The following LRRC39 variants were observed in gnomAD, a reference collection of about 807,000 sequenced individuals.
LRRC39 encodes leucine rich repeat containing 39, also known as leucine-rich repeat-containing protein 39.
In LRRC39, 35 loss-of-function variants were observed where a neutral mutation model predicts 39.7. The ratio of observed to expected loss-of-function variants is 0.88; its 90% CI spans 0.67 to 1.17. The LOEUF is 1.17. Ranked by LOEUF, LRRC39 falls within the 50% of genes most tolerant of loss-of-function variation. The probability of loss-of-function intolerance (pLI) is 0.00; values close to 1 mark genes in which losing one functional copy is unlikely to be tolerated. For synonymous variants in LRRC39, 113 were observed against 134.1 expected (o/e 0.84, Z 1.09); for missense variants, 357 against 385.8 (o/e 0.93, Z 0.62).
chr1:100,163,508 C>T (rs1659027713), intron 3 of LRRC39, among the ~76,000 whole-genome samples: 1 of 151,854 alleles, frequency 6.6e-6, no homozygotes, highest in Non-Finnish European at 1.5e-5. Context: ...CATCTGTGGG[C>T]CTTACCTATA....
chr1:100,174,248 G>A (rs1659819936), intron 1 of LRRC39, among the ~76,000 whole-genome samples: 1 of 151,900 alleles, frequency 6.6e-6, no homozygotes, highest in Non-Finnish European at 1.5e-5. Context: ...ACCTGAATAA[G>A]GAACCCCAGA....
chr1:100,150,549 T>C (rs1164581383), intron 9 of LRRC39: 1 of 152,232 alleles, frequency 6.6e-6, no homozygotes, highest in Non-Finnish European at 1.5e-5. Flanking sequence ...AGAATTATCA[T>C]ACAGAAACAG....
At chr1:100,163,810 C>T (rs1339960909) in intron 3 of LRRC39, among the ~76,000 whole-genome samples, 1 of 152,074 alleles carries the variant, frequency 6.6e-6, no homozygotes, top group Non-Finnish European at 1.5e-5. Context: ...TGGTGGCTCA[C>T]GCTTGTAATC....
chr1:100,158,504 C>A lies in LRRC39; in HGVS notation c.377-137G>T, dbSNP rs536808388. The A allele has an allele frequency of 4.7e-6, 3 of 633,142 alleles. No individual in the cohort carries two copies. In the African/African-American group the frequency reaches 5.7e-5, roughly 12 times the overall value. 39.2% of individuals were successfully genotyped at this position (633,142 alleles called of 1,614,324 possible). On this transcript the variant is annotated intron_variant, in intron 5 of 9. Coordinates refer to ENST00000370137, the MANE Select transcript of LRRC39 (RefSeq NM_144620.4). ...CCAGGCTGGAGTGCAGTGGCGCTAT[C>A]TCGGCTCACTGCAAGCTCCGCCTCC...
chr1:100,157,309 G>C (rs1658532033), intron 6 of LRRC39, among the ~76,000 whole-genome samples: 1 of 152,054 alleles, frequency 6.6e-6, no homozygotes, highest in Non-Finnish European at 1.5e-5. Context: ...AGATCTGATG[G>C]TTTTATAAGG....
intron 1 of LRRC39, among the ~76,000 whole-genome samples, chr1:100,176,954 G>A (rs916597840): frequency 7.2e-5 from 11 of 152,154 alleles, no homozygotes; most frequent in African/African-American, 1.2e-4. Flanking sequence ...TAAGAACACC[G>A]ATATCCACAT....
In LRRC39 at chr1:100,149,082, C is replaced by T. The variant is rs1353685085; in HGVS notation, c.968G>A (p.Gly323Asp). Reference protein sequence around the residue: ...SRRRADHQVNGSTTLPISINT... With the variant: ...SRRRADHQVNDSTTLPISINT... ...TATGGAGATTGGTAAAGTAGTTGAA[C>T]CGTTGACTTGGTGATCTGAAACATA... The change falls in exon 10 of 10, where the codon GGT becomes GAT. Residue 323 changes from glycine to aspartate, a missense_variant. Physicochemically the swap from Gly to Asp is moderately conservative, Grantham distance 94. Coordinates refer to ENST00000370137, the MANE Select transcript of LRRC39 (RefSeq NM_144620.4). 3.1e-6 allele frequency: 5 copies of T among 1,602,000 alleles called. No homozygotes were observed. In the African/African-American group the frequency reaches 5.4e-5, roughly 17 times the overall value.
At chr1:100,154,560 T>G (rs977606018) in intron 8 of LRRC39, among the ~76,000 whole-genome samples, 6 of 152,066 alleles carry the variant, frequency 3.9e-5, no homozygotes, top group Admixed American at 1.3e-4. Context: ...TACATAATAC[T>G]GTGAGAAAAA....
intron 9 of LRRC39, 147 bp downstream of exon 9, chr1:100,152,238 C>T: frequency 1.2e-6 from 1 of 815,424 alleles, no homozygotes; most frequent in Non-Finnish European, 1.8e-6. Context: ...TTTCTTCCCA[C>T]AATATTGACT....
intron 1 of LRRC39, among the ~76,000 whole-genome samples, chr1:100,176,525 G>C (rs1023022631): frequency 5.9e-5 from 9 of 152,164 alleles, no homozygotes; most frequent in African/African-American, 9.7e-5. Context: ...TTGGAGATAT[G>C]GTGAAAAGAT....
At chr1:100,161,318 CCTGGACA>C (rs1658859332) in intron 3 of LRRC39, among the ~76,000 whole-genome samples, 1 of 152,162 alleles carries the variant, frequency 6.6e-6, no homozygotes, top group African/African-American at 2.4e-5. Flanking sequence ...ATTTTCCTAT[CCTGGACA>C]CTTTATTTAA....
At chr1:100,161,390 T>C (rs1658865453) in intron 3 of LRRC39, among the ~76,000 whole-genome samples, 1 of 152,210 alleles carries the variant, frequency 6.6e-6, no homozygotes, top group African/African-American at 2.4e-5. Context: ...TAGCATCGTT[T>C]TTTTCAAAGT....
intron 3 of LRRC39, among the ~76,000 whole-genome samples, chr1:100,163,221 A>G (rs964496622): frequency 1.3e-5 from 2 of 152,240 alleles, no homozygotes; most frequent in Non-Finnish European, 2.9e-5. Context: ...ACTAAGACAG[A>G]AATGAAATTC....
At position 100,177,115 on chromosome 1, in the gene LRRC39, C is replaced by T. The variant is rs144907046; in HGVS notation, c.-119+1020G>A. Among the ~76,000 whole-genome samples the T allele has an allele frequency of 1.5e-4, 23 of 152,120 alleles. 1 individual carries two copies. The East Asian group carries it at 4.2e-3, about 28-fold the overall frequency. On this transcript the variant is annotated intron_variant, in intron 1 of 9. Transcript: ENST00000370137. Reference sequence around the variant, plus strand: ...GCAGTGTAAGGGAACTTAATCCCCACCTCTCATAATGAAGCTCCACAGATG... The same window carrying T: ...GCAGTGTAAGGGAACTTAATCCCCATCTCTCATAATGAAGCTCCACAGATG...
At chr1:100,176,279 T>C (rs1375151512) in intron 1 of LRRC39, among the ~76,000 whole-genome samples, 1 of 152,056 alleles carries the variant, frequency 6.6e-6, no homozygotes, top group Non-Finnish European at 1.5e-5. Flanking sequence ...AAACATAAAA[T>C]TAGCCAGGCG....
chr1:100,157,236 G>A (rs1658522757), intron 6 of LRRC39, among the ~76,000 whole-genome samples: 1 of 152,158 alleles, frequency 6.6e-6, no homozygotes, highest in Admixed American at 6.5e-5. Flanking sequence ...CCTGGTGGGA[G>A]GCAATTGAAT....
intron 1 of LRRC39, among the ~76,000 whole-genome samples, 163 bp from the exon 2 acceptor site, chr1:100,173,533 G>T (rs930918514): frequency 6.6e-6 from 1 of 152,142 alleles, no homozygotes; most frequent in Admixed American, 6.5e-5. Context: ...ACTTGATAGT[G>T]TAACATTGAA....
Position 100,159,347 on chromosome 1 carries a change from C to T in LRRC39, c.288G>A (p.Leu96=). ...QEWQLHRTGL[L]KIPEFIGRFQ... ...ATCTTCCAATGAATTCAGGAATTTT[C>T]AGCAAACCAGTTCTATGAAGTTGCC... is the stretch of plus-strand genomic sequence containing the variant. Residue 96 remains leucine, a synonymous_variant, in exon 5 of 10, where the codon CTG becomes CTA. Transcript: ENST00000370137. 1 of 1,611,932 alleles carries T rather than the reference C, an allele frequency of 6.2e-7. No homozygotes were observed. Among genetic ancestry groups the T allele is most frequent in the African/African-American group, 1.3e-5 (1 of 74,874 alleles).
chr1:100,171,298 T>TA (rs1397042752), intron 2 of LRRC39, among the ~76,000 whole-genome samples: 1 of 152,060 alleles, frequency 6.6e-6, no homozygotes, highest in Non-Finnish European at 1.5e-5. Flanking sequence ...CATAATGCTT[T>TA]AAAAAACACA....
Sources: allele counts gnomAD v4.1 joint callset (sites outside exome capture counted in the v4.1 genomes callset), GRCh38; gene constraint gnomAD v4.1.1; transcripts MANE v1.5; gene names NCBI Gene and HGNC (gene_info 2026-07-23, HGNC 2026-07-21).